The following IQSEC1 variants were observed in gnomAD, a reference collection of about 807,000 sequenced individuals.
IQSEC1 encodes the protein IQ motif and SEC7 domain-containing protein 1.
A neutral mutation model predicts 91.0 loss-of-function variants in IQSEC1; 31 were observed. The ratio of observed to expected loss-of-function variants is 0.34; its 90% CI spans 0.26 to 0.46. IQSEC1 has a LOEUF of 0.46. IQSEC1 is among the 20% of genes least tolerant of loss of function. The pLI, the probability that IQSEC1 is intolerant of heterozygous loss-of-function variation, is 1.00. For synonymous variants in IQSEC1, 699 were observed against 662.6 expected (o/e 1.05, Z -0.84); for missense variants, 1,388 against 1,575.6 (o/e 0.88, Z 2.02).
At chr3:13,169,254 C>T (rs187114387) in intron 1 of IQSEC1, among the ~76,000 whole-genome samples, 6 of 152,232 alleles carry the variant, frequency 3.9e-5, no homozygotes, top group South Asian at 2.1e-4. Context: ...GGGGAGTTTC[C>T]CTGCACAAGC....
chr3:13,065,590 G>A (rs1189439431), intron 1 of IQSEC1, among the ~76,000 whole-genome samples: 1 of 152,234 alleles, frequency 6.6e-6, no homozygotes, highest in Non-Finnish European at 1.5e-5. Context: ...AGTAATGAGT[G>A]ATGGCGAAGA....
At chr3:13,274,297 A>AC (rs577064272) in intron 1 of IQSEC1, among the ~76,000 whole-genome samples, 85 of 152,144 alleles carry the variant, frequency 5.6e-4, no homozygotes, top group African/African-American at 1.8e-3. Flanking sequence ...AGAGGATCCC[A>AC]CCCCGCACCT....
At chr3:13,079,812 C>T (rs149471359) in intron 2 of IQSEC1, among the ~76,000 whole-genome samples, 106 of 152,202 alleles carry the variant, frequency 7.0e-4, no homozygotes, top group African/African-American at 2.3e-3. Flanking sequence ...CAATACTGAG[C>T]GAACATGATC....
In IQSEC1 at chr3:12,915,744, G is replaced by A. The variant is rs1363562782; in HGVS notation, c.2021-11C>T. On this transcript the variant is annotated splice_polypyrimidine_tract_variant and intron_variant, in intron 6 of 13. Coordinates refer to ENST00000613206, the MANE Select transcript of IQSEC1 (RefSeq NM_001134382.3). Reference sequence around the variant, plus strand: ...CACCATCGTCCACACCTGGGTAGGGGATGCAGCTGGATATCAGGGTGGGCC... The same window carrying A: ...CACCATCGTCCACACCTGGGTAGGGAATGCAGCTGGATATCAGGGTGGGCC... 1.9e-6 allele frequency: 3 copies of A among 1,612,714 alleles called. No homozygotes were observed. The highest frequency in any genetic ancestry group is 1.3e-5 in the African/African-American group (1 of 74,912).
At chr3:13,013,109 C>T (rs1337112508) in intron 1 of IQSEC1, among the ~76,000 whole-genome samples, 10 of 152,006 alleles carry the variant, frequency 6.6e-5, no homozygotes, top group African/African-American at 2.2e-4. Flanking sequence ...TACCGGCATG[C>T]GCCACCACGC....
At chr3:12,903,842 G>A (rs914121796) in intron 12 of IQSEC1, among the ~76,000 whole-genome samples, 1 of 152,334 alleles carries the variant, frequency 6.6e-6, no homozygotes, top group East Asian at 1.9e-4. Flanking sequence ...ATTGAGCGCT[G>A]CGCTGGACAT....
chr3:13,151,624 A>G (rs1706999849), intron 2 of IQSEC1, among the ~76,000 whole-genome samples: 1 of 152,218 alleles, frequency 6.6e-6, no homozygotes, highest in Non-Finnish European at 1.5e-5. Context: ...TTCTACCCAC[A>G]AGGTCATGTT....
At chr3:12,915,311 G>A (rs912348303) in intron 7 of IQSEC1, among the ~76,000 whole-genome samples, 178 bp from the exon 8 acceptor site, 5 of 152,198 alleles carry the variant, frequency 3.3e-5, no homozygotes, top group Admixed American at 6.5e-5. Flanking sequence ...GGACCACCCA[G>A]GAAAGCCTGC....
chr3:13,190,376 G>A, intron 1 of IQSEC1, among the ~76,000 whole-genome samples: 1 of 152,066 alleles, frequency 6.6e-6, no homozygotes, highest in East Asian at 1.9e-4. Context: ...GTTCGAGACT[G>A]GGTTGAGAGC....
At chr3:13,054,761 AG>A (rs1419159533) in intron 1 of IQSEC1, among the ~76,000 whole-genome samples, 1 of 152,072 alleles carries the variant, frequency 6.6e-6, no homozygotes, top group African/African-American at 2.4e-5. Context: ...ATGATCCCCG[AG>A]GGGGGAGGCT....
At position 12,920,450 on chromosome 3, in the gene IQSEC1, T is replaced by C. The variant is rs776065570; in HGVS notation, c.2000A>G (p.Asp667Gly). Residue 667 changes from aspartate (D) to glycine (G), a missense_variant, in exon 6 of 14, where the codon GAC (aspartate) becomes GGC (glycine). Asp to Gly is a moderately conservative substitution (Grantham distance 94). Coordinates refer to ENST00000613206, the MANE Select transcript of IQSEC1 (RefSeq NM_001134382.3). ...VKPERKMKLEDFIKNLRGVDD... is the reference protein window; with the variant it reads ...VKPERKMKLEGFIKNLRGVDD... ...CTCACCTCGGAGGTTCTTGATGAAGTCCTCTAGCTTCATTTTCCGCTCGGG... is the reference window on the plus strand; with the variant it reads ...CTCACCTCGGAGGTTCTTGATGAAGCCCTCTAGCTTCATTTTCCGCTCGGG... 1.2e-6 allele frequency: 2 copies of C among 1,614,098 alleles called. No homozygotes were observed. Among genetic ancestry groups the C allele is most frequent in the Admixed American group, 1.7e-5 (1 of 60,024 alleles).
In IQSEC1 at chr3:13,013,339, C is replaced by A. The variant is rs184913594; in HGVS notation, c.23+59653G>T. On this transcript the variant is annotated intron_variant, in intron 1 of 13. Transcript: ENST00000613206. The stretch of plus-strand genomic sequence containing the variant: ...CACTCTGCCGGCGGAGTCCCCTCAC[C>A]TCTTTCCCAGAAGCCACTGGAGTTA... 3.9e-5 allele frequency among the ~76,000 whole-genome samples: 6 copies of A among 152,286 alleles called. No homozygotes were observed. The East Asian group carries it at 9.7e-4, about 24-fold the overall frequency.
intron 1 of IQSEC1, among the ~76,000 whole-genome samples, chr3:13,062,087 C>G (rs1011246911): frequency 2.0e-5 from 3 of 152,220 alleles, no homozygotes; most frequent in Non-Finnish European, 4.4e-5. Flanking sequence ...GCCAGCCACA[C>G]TGAAGCCAGA....
chr3:13,025,307 A>G (rs1034021601), intron 1 of IQSEC1, among the ~76,000 whole-genome samples: 1 of 152,190 alleles, frequency 6.6e-6, no homozygotes, highest in African/African-American at 2.4e-5. Context: ...CAGTCCAGTG[A>G]CTCACACAGC....
At position 12,936,516 on chromosome 3, in the gene IQSEC1, A is replaced by G; in HGVS notation, c.500T>C (p.Phe167Ser). Residue 167 changes from phenylalanine to serine, a missense_variant, in exon 3 of 14, where the codon TTT becomes TCT. By Grantham distance (155) the Phe-to-Ser change is radical. Transcript: ENST00000613206. ...GCTGTGCACTTTCTCAGGCCCCTCA[A>G]AGGAGAACTGCATCCTCATGTTGGA... ...VLSNMRMQFS[F>S]EGPEKVHSSY... The G allele has an allele frequency of 6.2e-7, 1 of 1,613,454 alleles. No individual in the cohort carries two copies. Among genetic ancestry groups the G allele is most frequent in the Non-Finnish European group, 8.5e-7 (1 of 1,180,000 alleles).
intron 1 of IQSEC1, among the ~76,000 whole-genome samples, chr3:13,275,401 C>T (rs1027072795): frequency 6.6e-6 from 1 of 152,208 alleles, no homozygotes; most frequent in Non-Finnish European, 1.5e-5. Context: ...AAAACTGATA[C>T]CTGGGTTCTA....
intron 1 of IQSEC1, among the ~76,000 whole-genome samples, chr3:13,002,782 G>A (rs771769572): frequency 4.6e-5 from 7 of 152,182 alleles, no homozygotes; most frequent in Admixed American, 2.0e-4. Context: ...AATGAGATAT[G>A]ACTTCCCACC....
intron 1 of IQSEC1, among the ~76,000 whole-genome samples, chr3:12,954,878 AG>A (rs1174193109): frequency 1.3e-5 from 2 of 152,232 alleles, no homozygotes; most frequent in Admixed American, 6.5e-5. Context: ...CAGGATGGAA[AG>A]CCACAGAGCG....
At chr3:13,213,307 C>T (rs951817088) in intron 1 of IQSEC1, among the ~76,000 whole-genome samples, 2 of 152,214 alleles carry the variant, frequency 1.3e-5, no homozygotes, top group African/African-American at 4.8e-5. Context: ...GTTCTTTCCC[C>T]ACTGAGCCAT....
Sources: allele counts gnomAD v4.1 joint callset (sites outside exome capture counted in the v4.1 genomes callset), GRCh38; gene constraint gnomAD v4.1.1; transcripts MANE v1.5; gene names NCBI Gene and HGNC (gene_info 2026-07-23, HGNC 2026-07-21).